Variants in PTPRG observed in about 807,000 individuals in gnomAD.
PTPRG encodes the protein receptor-type tyrosine-protein phosphatase gamma.
Under a neutral mutation model 165.3 loss-of-function variants are expected in PTPRG, and 102 were observed. That is an observed-to-expected ratio of 0.62 (90% CI 0.53 to 0.73). The LOEUF is 0.73. Ranked by LOEUF, PTPRG falls within the 30% of genes least tolerant of loss-of-function variation. The pLI, the probability that PTPRG is intolerant of heterozygous loss-of-function variation, is 0.00. For missense variants in PTPRG, 1,866 were observed against 1,861.4 expected, an observed-to-expected ratio of 1.00 and a Z score of -0.05; for synonymous variants, 675 against 669.5, an observed-to-expected ratio of 1.01 and a Z score of -0.13.
In PTPRG at chr3:62,058,295, C is replaced by T. The variant is rs575125358; in HGVS notation, c.520-19868C>T. 7.2e-5 allele frequency among the ~76,000 whole-genome samples: 11 copies of T among 152,178 alleles called. No individual in the cohort carries two copies. In the South Asian group the frequency reaches 2.1e-3, roughly 29 times the overall value. ...TAAGTTGCCTTACGGTGGGAAGGAACCTTGCTAGTGTGATGACATTTGGAT... is the reference window on the plus strand; with the variant it reads ...TAAGTTGCCTTACGGTGGGAAGGAATCTTGCTAGTGTGATGACATTTGGAT... On this transcript the variant is annotated intron_variant, in intron 4 of 29. Coordinates refer to ENST00000474889, the MANE Select transcript of PTPRG (RefSeq NM_002841.4).
intron 6 of PTPRG, among the ~76,000 whole-genome samples, chr3:62,149,638 CT>C (rs1386195470): frequency 6.6e-6 from 1 of 152,172 alleles, no homozygotes; most frequent in Admixed American, 6.5e-5. Flanking sequence ...CAGCCTCTTT[CT>C]TTCCTCCCAA....
chr3:61,931,454 T>A (rs1158159657), intron 2 of PTPRG, among the ~76,000 whole-genome samples: 1 of 152,220 alleles, frequency 6.6e-6, no homozygotes, highest in Non-Finnish European at 1.5e-5. Flanking sequence ...CTTTTTTGAT[T>A]CTTCCCTTAC....
intron 5 of PTPRG, among the ~76,000 whole-genome samples, chr3:62,115,515 C>T (rs909418911): frequency 6.6e-6 from 1 of 151,972 alleles, no homozygotes; most frequent in Non-Finnish European, 1.5e-5. Context: ...TAGCCAAACC[C>T]AAAGAGAATT....
chr3:61,945,826 G>A (rs943568691), intron 2 of PTPRG, among the ~76,000 whole-genome samples: 8 of 152,188 alleles, frequency 5.3e-5, no homozygotes, highest in African/African-American at 1.9e-4. Context: ...AATACTGACA[G>A]TGACTCTGAG....
At chr3:61,674,040 G>C (rs1703128750) in intron 1 of PTPRG, among the ~76,000 whole-genome samples, 1 of 151,922 alleles carries the variant, frequency 6.6e-6, no homozygotes, top group South Asian at 2.1e-4. Context: ...TGGGGTGGGT[G>C]GGGTAGGGGA....
At chr3:61,726,653 A>G (rs1364534165) in intron 1 of PTPRG, among the ~76,000 whole-genome samples, 2 of 152,182 alleles carry the variant, frequency 1.3e-5, no homozygotes, top group East Asian at 3.8e-4. Flanking sequence ...AAGTTTTGCC[A>G]TTAAGGATTA....
chr3:62,045,580 C>A (rs1027106991), intron 4 of PTPRG, among the ~76,000 whole-genome samples: 1 of 152,322 alleles, frequency 6.6e-6, no homozygotes, highest in East Asian at 1.9e-4. Flanking sequence ...GGAAGTAGAT[C>A]TTATTGCCCT....
At chr3:61,983,610 T>G (rs902101814) in intron 2 of PTPRG, among the ~76,000 whole-genome samples, 4 of 152,166 alleles carry the variant, frequency 2.6e-5, no homozygotes, top group Non-Finnish European at 5.9e-5. Context: ...CATGCTTATT[T>G]TCAGCAAAGA....
intron 5 of PTPRG, among the ~76,000 whole-genome samples, chr3:62,130,125 A>G (rs1014864095): frequency 1.3e-5 from 2 of 152,160 alleles, no homozygotes; most frequent in African/African-American, 4.8e-5. Flanking sequence ...AGTTCAGCCC[A>G]TCTCTGTGGA....
intron 2 of PTPRG, among the ~76,000 whole-genome samples, chr3:61,907,050 T>G (rs1362613531): frequency 6.6e-6 from 1 of 152,168 alleles, no homozygotes; most frequent in South Asian, 2.1e-4. Flanking sequence ...ATGTTTGAAA[T>G]TATAAAGCAT....
chr3:61,989,605 G>C lies in PTPRG; in HGVS notation c.191-20G>C. The C allele has an allele frequency of 3.1e-6, 5 of 1,608,806 alleles. No individual in the cohort carries two copies. The highest frequency in any genetic ancestry group is 1.1e-5 in the South Asian group (1 of 90,078). ...TGACCCTTGAACCATGAGGATTGAAGTGTTGTCTTCTTTCAACAGGTGCCT... is the reference window on the plus strand; with the variant it reads ...TGACCCTTGAACCATGAGGATTGAACTGTTGTCTTCTTTCAACAGGTGCCT... On this transcript the variant is annotated intron_variant, in intron 2 of 29. Coordinates refer to ENST00000474889, the MANE Select transcript of PTPRG (RefSeq NM_002841.4).
chr3:61,642,501 T>C (rs1702095443), intron 1 of PTPRG, among the ~76,000 whole-genome samples: 2 of 152,102 alleles, frequency 1.3e-5, no homozygotes, highest in Non-Finnish European at 1.5e-5. Flanking sequence ...GGACCCACAA[T>C]ACCCAGAAGA....
chr3:62,160,453 A>T (rs144484264), intron 7 of PTPRG, among the ~76,000 whole-genome samples: 1 of 152,342 alleles, frequency 6.6e-6, no homozygotes, highest in East Asian at 1.9e-4. Context: ...GCCCCTCTAA[A>T]CATCTTCTGA....
chr3:61,971,449 A>G (rs1422648859), intron 2 of PTPRG, among the ~76,000 whole-genome samples: 1 of 152,160 alleles, frequency 6.6e-6, no homozygotes, highest in African/African-American at 2.4e-5. Flanking sequence ...ATTTGTATGG[A>G]TATTCCATAT....
chr3:61,757,728 A>C (rs11711842), intron 2 of PTPRG, among the ~76,000 whole-genome samples: 28,627 of 152,198 alleles, frequency 0.19, 3,505 homozygotes, highest in Non-Finnish European at 0.25. Context: ...AACACAAGGC[A>C]TACAGAAGTT....
At chr3:61,810,119 C>T (rs2035531241) in intron 2 of PTPRG, among the ~76,000 whole-genome samples, 1 of 152,178 alleles carries the variant, frequency 6.6e-6, no homozygotes, top group African/African-American at 2.4e-5. Context: ...ATACTTGCAA[C>T]TGTGAGCATA....
intron 2 of PTPRG, among the ~76,000 whole-genome samples, chr3:61,984,688 A>G (rs946046770): frequency 2.0e-5 from 3 of 152,214 alleles, no homozygotes; most frequent in Admixed American, 2.0e-4. Flanking sequence ...GTTTACTATT[A>G]ACTGAGCACC....
intron 14 of PTPRG, among the ~76,000 whole-genome samples, chr3:62,243,104 G>A (rs1388774207): frequency 1.3e-5 from 2 of 152,222 alleles, no homozygotes; most frequent in African/African-American, 2.4e-5. Context: ...AGCCAGCATC[G>A]GAGGCAGAGG....
At position 61,764,592 on chromosome 3, in the gene PTPRG, T is replaced by G. The variant is rs559003579; in HGVS notation, c.190+15610T>G. ...GCCTGGGAAGACCTCTCTGATCAGGTGATACTTGAGCAGACATCTGAACAC... is the reference window on the plus strand; with the variant it reads ...GCCTGGGAAGACCTCTCTGATCAGGGGATACTTGAGCAGACATCTGAACAC... On this transcript the variant is annotated intron_variant, in intron 2 of 29. Coordinates refer to ENST00000474889, the MANE Select transcript of PTPRG (RefSeq NM_002841.4). 3.4e-4 allele frequency among the ~76,000 whole-genome samples: 52 copies of G among 152,244 alleles called. 1 individual carries two copies. Among genetic ancestry groups the G allele is most frequent in the Admixed American group, 3.1e-3 (48 of 15,286 alleles).
Sources: allele counts gnomAD v4.1 joint callset (sites outside exome capture counted in the v4.1 genomes callset), GRCh38; gene constraint gnomAD v4.1.1; transcripts MANE v1.5; gene names NCBI Gene and HGNC (gene_info 2026-07-23, HGNC 2026-07-21).